CNTN3: variants seen among roughly 807,000 people sequenced by gnomAD.
CNTN3 encodes the protein contactin-3.
A neutral mutation model predicts 119.1 loss-of-function variants in CNTN3; 60 were observed. The observed-to-expected ratio is 0.50, with a 90% CI of 0.41 to 0.62. The LOEUF is 0.62. CNTN3 is among the 20% of genes least tolerant of loss of function. The probability of loss-of-function intolerance (pLI) is 0.00; values close to 1 mark genes in which losing one functional copy is unlikely to be tolerated. For missense variants in CNTN3, 1,101 were observed against 1,242.4 expected (o/e 0.89, Z 1.71); for synonymous variants, 450 against 438.7 (o/e 1.03, Z -0.32).
intron 20 of CNTN3, among the ~76,000 whole-genome samples, chr3:74,271,287 C>T (rs977992278): frequency 6.6e-6 from 1 of 152,130 alleles, no homozygotes; most frequent in Non-Finnish European, 1.5e-5. Flanking sequence ...ACAAAATACA[C>T]AGCATAACCT....
At position 74,366,759 on chromosome 3, in the gene CNTN3, C is replaced by CGT. The variant is rs35769290; in HGVS notation, c.947-1059_947-1058dup. On this transcript the variant is annotated intron_variant, in intron 8 of 22. Transcript: ENST00000263665. ...AAGTTTTCTCTTTTATGTGTGTGTG[C>CGT]GTGTGTGTGTGTGTGTGTGTGTATA... is the stretch of plus-strand genomic sequence containing the variant. 4.6e-3 allele frequency among the ~76,000 whole-genome samples: 363 copies of CGT among 78,934 alleles called. 21 individuals carry two copies. The highest frequency in any genetic ancestry group is 7.0e-3 in the African/African-American group (127 of 18,204). The allele number at this position is 78,934 out of a possible 152,430, so 51.8% of individuals were successfully genotyped here.
intron 13 of CNTN3, among the ~76,000 whole-genome samples, chr3:74,324,622 A>G (rs1703085075): frequency 6.6e-6 from 1 of 152,198 alleles, no homozygotes; most frequent in Non-Finnish European, 1.5e-5. Flanking sequence ...TCCCAGAGTC[A>G]TAACTTCTCT....
chr3:74,415,792 C>T (rs577430828), intron 5 of CNTN3, among the ~76,000 whole-genome samples: 1 of 152,282 alleles, frequency 6.6e-6, no homozygotes, highest in South Asian at 2.1e-4. Context: ...CATCTCAGCT[C>T]CTGAGGCATC....
intron 11 of CNTN3, among the ~76,000 whole-genome samples, chr3:74,341,464 C>T (rs1044074960): frequency 1.3e-5 from 2 of 152,166 alleles, no homozygotes; most frequent in African/African-American, 4.8e-5. Context: ...ACATTCAGTG[C>T]TCCAGTTTGC....
intron 11 of CNTN3, among the ~76,000 whole-genome samples, chr3:74,339,214 A>T (rs1703471469): frequency 1.3e-5 from 2 of 152,078 alleles, no homozygotes; most frequent in African/African-American, 2.4e-5. Context: ...CCAGCTGTCC[A>T]GGCAAACCTT....
At chr3:74,582,411 A>G (rs1447972234) in intron 1 of CNTN3, among the ~76,000 whole-genome samples, 1 of 152,156 alleles carries the variant, frequency 6.6e-6, no homozygotes, top group Non-Finnish European at 1.5e-5. Flanking sequence ...GTCTAAAAAA[A>G]AAAAAATCAT....
At chr3:74,515,462 A>G (rs1703434703) in intron 2 of CNTN3, among the ~76,000 whole-genome samples, 1 of 152,048 alleles carries the variant, frequency 6.6e-6, no homozygotes, top group Admixed American at 6.6e-5. Context: ...TACACATACT[A>G]TAAAGGAAAT....
intron 13 of CNTN3, among the ~76,000 whole-genome samples, chr3:74,324,221 T>A (rs1019524470): frequency 4.6e-5 from 7 of 152,048 alleles, no homozygotes; most frequent in African/African-American, 1.2e-4. Context: ...TTCTTCTTTT[T>A]TTTTTTTTGA....
At chr3:74,311,004 T>G (rs1559696111) in intron 13 of CNTN3, among the ~76,000 whole-genome samples, 1 of 152,190 alleles carries the variant, frequency 6.6e-6, no homozygotes, top group Non-Finnish European at 1.5e-5. Flanking sequence ...TTAGGGTATT[T>G]ATTCGCCAAG....
At chr3:74,466,335 C>T (rs1702460147) in intron 4 of CNTN3, among the ~76,000 whole-genome samples, 1 of 152,050 alleles carries the variant, frequency 6.6e-6, no homozygotes, top group African/African-American at 2.4e-5. Flanking sequence ...TTTTGAGCTG[C>T]TGACAACACC....
intron 11 of CNTN3, among the ~76,000 whole-genome samples, chr3:74,354,350 A>G (rs536874311): frequency 7.9e-5 from 12 of 152,268 alleles, no homozygotes; most frequent in African/African-American, 2.2e-4. Flanking sequence ...CCCATTTAAA[A>G]AAATAATTAG....
At chr3:74,362,413 C>T (rs1458245250) in intron 10 of CNTN3, among the ~76,000 whole-genome samples, 2 of 152,168 alleles carry the variant, frequency 1.3e-5, no homozygotes, top group Non-Finnish European at 2.9e-5. Flanking sequence ...GGTACAGTGC[C>T]TAGCATTCAA....
At chr3:74,330,597 T>G (rs1184533530) in intron 13 of CNTN3, among the ~76,000 whole-genome samples, 3 of 152,202 alleles carry the variant, frequency 2.0e-5, no homozygotes, top group Non-Finnish European at 4.4e-5. Flanking sequence ...CATTTTATAG[T>G]GTACTTCTTC....
chr3:74,355,420 C>T (rs942870788), intron 11 of CNTN3, among the ~76,000 whole-genome samples: 1 of 151,688 alleles, frequency 6.6e-6, no homozygotes, highest in Admixed American at 6.6e-5. Flanking sequence ...GTCCTGGTAC[C>T]ACTTCAACCC....
At chr3:74,320,703 T>C (rs1236989072) in intron 13 of CNTN3, among the ~76,000 whole-genome samples, 1 of 151,934 alleles carries the variant, frequency 6.6e-6, no homozygotes, top group East Asian at 1.9e-4. Flanking sequence ...TTCAGACAGA[T>C]CCAACTTCAT....
chr3:74,331,433 G>A (rs1703263152), intron 13 of CNTN3, among the ~76,000 whole-genome samples: 1 of 152,120 alleles, frequency 6.6e-6, no homozygotes, highest in Non-Finnish European at 1.5e-5. Context: ...ACATAAGGAC[G>A]GAATTGCCTA....
At chr3:74,350,342 T>C (rs1234102674) in intron 11 of CNTN3, among the ~76,000 whole-genome samples, 1 of 152,056 alleles carries the variant, frequency 6.6e-6, no homozygotes, top group Non-Finnish European at 1.5e-5. Flanking sequence ...TCACTAATTA[T>C]CAGAGAAATT....
intron 1 of CNTN3, among the ~76,000 whole-genome samples, chr3:74,564,216 A>G (rs17012620): frequency 0.019 from 2,952 of 152,160 alleles, 46 homozygotes; most frequent in Admixed American, 0.055. Flanking sequence ...CAGGTCAAAC[A>G]AAAGGAGACA....
intron 5 of CNTN3, among the ~76,000 whole-genome samples, chr3:74,421,855 A>C (rs950552877): frequency 6.6e-6 from 1 of 152,218 alleles, no homozygotes; most frequent in African/African-American, 2.4e-5. Context: ...ATTAAAGGCC[A>C]TAAGTCAAAA....
Sources: gnomAD v4.1 joint callset for allele counts (sites outside exome capture counted in the v4.1 genomes callset) on GRCh38, gnomAD v4.1.1 for gene constraint, MANE v1.5 for transcripts, NCBI Gene and HGNC (gene_info 2026-07-23, HGNC 2026-07-21) for gene names.